The following PRKCE variants were observed in gnomAD, a reference collection of about 807,000 sequenced individuals.
The protein encoded by PRKCE is protein kinase C epsilon, also known as protein kinase C epsilon type.
Under a neutral mutation model 85.4 loss-of-function variants are expected in PRKCE, and 16 were observed. The observed-to-expected ratio is 0.19, with a 90% CI of 0.13 to 0.28. The LOEUF (loss-of-function observed/expected upper bound fraction) is 0.28. Ranked by LOEUF, PRKCE falls within the 10% of genes least tolerant of loss-of-function variation. The pLI is 1.00. For synonymous variants in PRKCE, 388 were observed against 371.5 expected (o/e 1.04, Z -0.51); for missense variants, 573 against 975.2 (o/e 0.59, Z 5.49).
At chr2:45,963,768 G>A (rs1036448746) in intron 2 of PRKCE, among the ~76,000 whole-genome samples, 7 of 152,166 alleles carry the variant, frequency 4.6e-5, no homozygotes, top group African/African-American at 1.4e-4. Context: ...GCGCCCTGCC[G>A]GGACTCCAGA....
chr2:45,743,336 G>A (rs527714582), intron 1 of PRKCE, among the ~76,000 whole-genome samples: 1 of 152,254 alleles, frequency 6.6e-6, no homozygotes, highest in South Asian at 2.1e-4. Flanking sequence ...TTCACAATGT[G>A]CACTTATATC....
chr2:45,969,643 A>G (rs1562652), intron 2 of PRKCE, among the ~76,000 whole-genome samples: 125,309 of 152,118 alleles, frequency 0.82, 52,159 homozygotes, highest in East Asian at 0.97. Flanking sequence ...GTGCCAAGCA[A>G]CCCCCCACTC....
At chr2:45,953,284 G>A (rs1291241337) in intron 2 of PRKCE, among the ~76,000 whole-genome samples, 1 of 152,194 alleles carries the variant, frequency 6.6e-6, no homozygotes, top group Admixed American at 6.5e-5. Context: ...GGGAAGATGA[G>A]GCCAAGGCAA....
intron 1 of PRKCE, among the ~76,000 whole-genome samples, chr2:45,744,524 CTTTTTCT>C (rs1558624136): frequency 0.091 from 3,250 of 35,754 alleles, 373 homozygotes; most frequent in African/African-American, 0.25. Context: ...TTCTTTCTTT[CTTTTTCT>C]TTCCTTCTTT....
chr2:45,987,602 C>T (rs137981536), intron 6 of PRKCE, among the ~76,000 whole-genome samples: 10 of 151,966 alleles, frequency 6.6e-5, no homozygotes, highest in Non-Finnish European at 1.3e-4. Flanking sequence ...GGCCTCCCCC[C>T]ACCAGCATCC....
Position 45,786,268 on chromosome 2 carries a change from C to T in PRKCE, c.349-56732C>T, listed in dbSNP as rs1686596492. Among the ~76,000 whole-genome samples the T allele has an allele frequency of 6.6e-6, 1 of 152,178 alleles. No individual in the cohort carries two copies. The highest frequency in any genetic ancestry group is 1.5e-5 in the Non-Finnish European group (1 of 68,018). On this transcript the variant is annotated intron_variant, in intron 1 of 14. Coordinates refer to ENST00000306156, the MANE Select transcript of PRKCE (RefSeq NM_005400.3). This position sits in a 1 kb window ranked among gnomAD's most constrained non-coding sequence, Gnocchi z 5.3. Reference sequence around the variant, plus strand: ...GGTTGCCTGTCCAGCGTCTCTGTGTCTCCCTGGCCTGGCCACACAGTAGAA... The same window carrying T: ...GGTTGCCTGTCCAGCGTCTCTGTGTTTCCCTGGCCTGGCCACACAGTAGAA...
intron 1 of PRKCE, among the ~76,000 whole-genome samples, chr2:45,784,938 A>G (rs1370821016): frequency 2.0e-5 from 3 of 152,054 alleles, no homozygotes; most frequent in South Asian, 2.1e-4. Flanking sequence ...CTGGTACTAT[A>G]CCTCAAAAAT....
intron 11 of PRKCE, among the ~76,000 whole-genome samples, chr2:46,090,707 C>T (rs988427659): frequency 1.2e-4 from 18 of 151,818 alleles, no homozygotes; most frequent in Admixed American, 2.0e-4. Flanking sequence ...TTATGAGGAC[C>T]CTGTGGTCTG....
At chr2:45,970,177 G>C (rs1274115787) in intron 2 of PRKCE, among the ~76,000 whole-genome samples, 1 of 152,178 alleles carries the variant, frequency 6.6e-6, no homozygotes, top group Non-Finnish European at 1.5e-5. Context: ...CTGTAGCAGT[G>C]AATGAATGTC....
At chr2:46,166,051 G>T (rs754588198) in intron 14 of PRKCE, among the ~76,000 whole-genome samples, 1 of 152,200 alleles carries the variant, frequency 6.6e-6, no homozygotes, top group African/African-American at 2.4e-5. Flanking sequence ...TCAACCTCAT[G>T]ATCCGTTTCC....
intron 1 of PRKCE, among the ~76,000 whole-genome samples, chr2:45,661,559 C>G (rs1464153049): frequency 1.0e-5 from 1 of 98,920 alleles, no homozygotes; most frequent in Non-Finnish European, 2.0e-5. Flanking sequence ...GAAGGAGTCT[C>G]GCTCTGTCGC....
intron 1 of PRKCE, among the ~76,000 whole-genome samples, chr2:45,811,245 C>A (rs1688633857): frequency 6.6e-6 from 1 of 152,202 alleles, no homozygotes; most frequent in Non-Finnish European, 1.5e-5. Context: ...CAATGAGAGG[C>A]CACCAAGGGT....
chr2:45,966,830 G>A (rs990474526), intron 2 of PRKCE, among the ~76,000 whole-genome samples: 12 of 152,122 alleles, frequency 7.9e-5, no homozygotes, highest in African/African-American at 2.7e-4. Flanking sequence ...CCAGCAGGTT[G>A]GGGGCCACAA....
chr2:46,039,109 C>G (rs1455685746), intron 10 of PRKCE, among the ~76,000 whole-genome samples: 2 of 152,172 alleles, frequency 1.3e-5, no homozygotes, highest in Admixed American at 6.5e-5. Flanking sequence ...GGTCAATCTA[C>G]TTCTCTGTGT....
intron 14 of PRKCE, among the ~76,000 whole-genome samples, chr2:46,162,697 T>G (rs923167081): frequency 6.6e-5 from 10 of 152,214 alleles, no homozygotes; most frequent in East Asian, 1.9e-4. Flanking sequence ...GTAATGTTGA[T>G]CCTTAGAGAG....
At chr2:46,038,077 T>C (rs578158682) in intron 10 of PRKCE, among the ~76,000 whole-genome samples, 93 of 152,310 alleles carry the variant, frequency 6.1e-4, no homozygotes, top group Non-Finnish European at 1.2e-3. Flanking sequence ...TTGCATCTGC[T>C]GAGGATGAAG....
rs143104549 is a variant in PRKCE at position 46,055,022 on chromosome 2, T to C, written c.1438-31186T>C. Among the ~76,000 whole-genome samples the C allele has an allele frequency of 7.2e-5, 11 of 152,184 alleles. No individual in the cohort carries two copies. The South Asian group carries it at 1.9e-3, about 26-fold the overall frequency. The stretch of plus-strand genomic sequence containing the variant: ...CACTCAGAGTCACTTTTACCCTCAA[T>C]AAAATCCCCCACATTTACCATCTCT... On this transcript the variant is annotated intron_variant, in intron 10 of 14. Coordinates refer to ENST00000306156, the MANE Select transcript of PRKCE (RefSeq NM_005400.3).
intron 2 of PRKCE, among the ~76,000 whole-genome samples, chr2:45,859,104 C>G (rs1471569217): frequency 6.6e-6 from 1 of 151,662 alleles, no homozygotes; most frequent in African/African-American, 2.4e-5. Context: ...TAGTATCATC[C>G]TATGTTTCAT....
intron 1 of PRKCE, among the ~76,000 whole-genome samples, chr2:45,732,978 G>A (rs535957186): frequency 2.0e-5 from 3 of 152,260 alleles, no homozygotes; most frequent in Admixed American, 6.5e-5. Context: ...TTAGCTTTGC[G>A]GGCCACAGAG....
Sources: gnomAD v4.1 joint callset for allele counts (sites outside exome capture counted in the v4.1 genomes callset) on GRCh38, gnomAD v4.1.1 for gene constraint, Gnocchi (gnomAD v3.1) non-coding constraint, MANE v1.5 for transcripts, NCBI Gene and HGNC (gene_info 2026-07-23, HGNC 2026-07-21) for gene names.